The following HS6ST3 variants were observed in gnomAD, a reference collection of about 807,000 sequenced individuals.
HS6ST3 encodes heparan sulfate 6-O-sulfotransferase 3.
In HS6ST3, 12 loss-of-function variants were observed where a neutral mutation model predicts 36.7. The observed-to-expected ratio is 0.33, with a 90% confidence interval of 0.21 to 0.53. The LOEUF (loss-of-function observed/expected upper bound fraction) is 0.53. Ranked by LOEUF, HS6ST3 falls within the 20% of genes least tolerant of loss-of-function variation. The pLI is 0.95. For synonymous variants in HS6ST3, 240 were observed against 257.5 expected (o/e 0.93, Z 0.65); for missense variants, 584 against 640.9 (o/e 0.91, Z 0.96).
chr13:96,778,740 A>G (rs192099709), intron 1 of HS6ST3, among the ~76,000 whole-genome samples: 5 of 152,316 alleles, frequency 3.3e-5, no homozygotes, highest in African/African-American at 9.6e-5. Flanking sequence ...AATTAGTTCA[A>G]CCATTGTGGA....
In HS6ST3 at chr13:96,832,753, A is replaced by T; in HGVS notation, c.971A>T (p.Asn324Ile). Reference sequence around the variant, plus strand: ...GACCTCAGCCTGGTGGGCTGCTATAACTTGACTTTCATGAACGAGAGTGAA... The same window carrying T: ...GACCTCAGCCTGGTGGGCTGCTATATCTTGACTTTCATGAACGAGAGTGAA... The part of the protein sequence containing the change: ...LADLSLVGCY[N>I]LTFMNESERN... The change falls in exon 2 of 2, where the codon AAC (asparagine) becomes ATC (isoleucine). Residue 324 changes from asparagine (N) to isoleucine (I), a missense_variant. This residue lies in a region of HS6ST3 where 360 missense variants were observed against 411.3 expected (regional missense o/e 0.88). Transcript: ENST00000376705. 1 of 1,614,142 alleles carries T rather than the reference A, an allele frequency of 6.2e-7. No individual in the cohort carries two copies. The highest frequency in any genetic ancestry group is 8.5e-7 in the Non-Finnish European group (1 of 1,180,000).
In HS6ST3 at chr13:96,206,435, C is replaced by A. The variant is rs569829024; in HGVS notation, c.707+114866C>A. On this transcript the variant is annotated intron_variant, in intron 1 of 1. Coordinates refer to ENST00000376705, the MANE Select transcript of HS6ST3 (RefSeq NM_153456.4). Reference sequence around the variant, plus strand: ...TTCTCATTAAACTACCATTGACATTCTTCACAGAATTAGACAAAATGATTT... The same window carrying A: ...TTCTCATTAAACTACCATTGACATTATTCACAGAATTAGACAAAATGATTT... Among the ~76,000 whole-genome samples, 187 of 152,288 alleles carry A rather than the reference C, an allele frequency of 1.2e-3. 1 individual carries two copies. The highest frequency in any genetic ancestry group is 3.4e-3 in the Middle Eastern group (1 of 294).
At chr13:96,216,025 C>T (rs936620210) in intron 1 of HS6ST3, among the ~76,000 whole-genome samples, 5 of 152,140 alleles carry the variant, frequency 3.3e-5, no homozygotes, top group Non-Finnish European at 5.9e-5. Context: ...GCTCAAATCC[C>T]GTTTCTGCCA....
intron 1 of HS6ST3, among the ~76,000 whole-genome samples, chr13:96,825,109 A>G (rs1013946340): frequency 5.9e-5 from 9 of 152,198 alleles, no homozygotes; most frequent in African/African-American, 1.9e-4. Flanking sequence ...ATGAATGCAT[A>G]AAACTGTGGA....
intron 1 of HS6ST3, among the ~76,000 whole-genome samples, chr13:96,209,418 T>G (rs2054387623): frequency 1.3e-5 from 2 of 152,248 alleles, no homozygotes; most frequent in African/African-American, 4.8e-5. Context: ...TTTTTCTGGT[T>G]TCCTGTGAGA....
At chr13:96,649,442 A>G (rs2056600041) in intron 1 of HS6ST3, among the ~76,000 whole-genome samples, 1 of 152,070 alleles carries the variant, frequency 6.6e-6, no homozygotes, top group Admixed American at 6.6e-5. Context: ...GGGAACTACA[A>G]TTCAAGATGA....
In HS6ST3 at chr13:96,437,833, C is replaced by T. The variant is rs116571986; in HGVS notation, c.707+346264C>T. ...CACTTAAATTATTTTAGGGGAATTT[C>T]GTTTTCTCAGTAACCCAACTGGGGA... On this transcript the variant is annotated intron_variant, in intron 1 of 1. Coordinates refer to ENST00000376705, the MANE Select transcript of HS6ST3 (RefSeq NM_153456.4). Among the ~76,000 whole-genome samples the T allele has an allele frequency of 3.7e-3, 566 of 152,294 alleles. 3 individuals are homozygous for T. The highest frequency in any genetic ancestry group is 0.012 in the African/African-American group (518 of 41,568).
At chr13:96,233,771 C>T (rs996273656) in intron 1 of HS6ST3, among the ~76,000 whole-genome samples, 1 of 152,088 alleles carries the variant, frequency 6.6e-6, no homozygotes, top group African/African-American at 2.4e-5. Context: ...CTGATAATGA[C>T]TTGGTACCTG....
chr13:96,529,176 C>G (rs2056126113), intron 1 of HS6ST3, among the ~76,000 whole-genome samples: 1 of 152,044 alleles, frequency 6.6e-6, no homozygotes, highest in African/African-American at 2.4e-5. Flanking sequence ...TTGAGAACTG[C>G]TGATCTAGAG....
chr13:96,357,229 T>C (rs1186588912), intron 1 of HS6ST3, among the ~76,000 whole-genome samples: 1 of 152,258 alleles, frequency 6.6e-6, no homozygotes, highest in Non-Finnish European at 1.5e-5. Context: ...TTTTGTCAAT[T>C]GTGTGTCCAC....
intron 1 of HS6ST3, among the ~76,000 whole-genome samples, chr13:96,274,887 ACACACACT>A (rs1242408290): frequency 1.5e-5 from 2 of 135,252 alleles, no homozygotes; most frequent in African/African-American, 2.7e-5. Context: ...ACACACACAC[ACACACACT>A]GAAGAATTAG....
At chr13:96,380,882 G>A (rs184283637) in intron 1 of HS6ST3, among the ~76,000 whole-genome samples, 30 of 152,226 alleles carry the variant, frequency 2.0e-4, no homozygotes, top group South Asian at 1.0e-3. Flanking sequence ...ACTCAGAAAC[G>A]GATCATAGTT....
chr13:96,719,777 C>T (rs964733058), intron 1 of HS6ST3, among the ~76,000 whole-genome samples: 2 of 152,164 alleles, frequency 1.3e-5, no homozygotes, highest in Admixed American at 1.3e-4. Context: ...GTGAATCTCC[C>T]TTTTGCTAAA....
chr13:96,673,388 A>G (rs1025605675), intron 1 of HS6ST3, among the ~76,000 whole-genome samples: 1 of 152,202 alleles, frequency 6.6e-6, no homozygotes, highest in Non-Finnish European at 1.5e-5. Flanking sequence ...ATTCAGCCAT[A>G]TATAGGAAGT....
At chr13:96,572,196 G>A (rs1159736755) in intron 1 of HS6ST3, among the ~76,000 whole-genome samples, 1 of 152,114 alleles carries the variant, frequency 6.6e-6, no homozygotes, top group Non-Finnish European at 1.5e-5. Flanking sequence ...GAGATATGTT[G>A]GGACACAAAC....
At chr13:96,754,808 T>C (rs942201118) in intron 1 of HS6ST3, among the ~76,000 whole-genome samples, 7 of 152,172 alleles carry the variant, frequency 4.6e-5, no homozygotes, top group African/African-American at 1.7e-4. Context: ...TTCAATAAAG[T>C]AGTCTAAGTA....
intron 1 of HS6ST3, among the ~76,000 whole-genome samples, chr13:96,828,335 T>A (rs1003744399): frequency 6.6e-6 from 1 of 152,218 alleles, no homozygotes; most frequent in Non-Finnish European, 1.5e-5. Flanking sequence ...ATATTGCAGC[T>A]GATCAATTCC....
intron 1 of HS6ST3, among the ~76,000 whole-genome samples, chr13:96,316,201 T>C (rs2054968430): frequency 6.6e-6 from 1 of 152,144 alleles, no homozygotes; most frequent in South Asian, 2.1e-4. Context: ...TATATGCATA[T>C]GCATGTATAT....
intron 1 of HS6ST3, among the ~76,000 whole-genome samples, chr13:96,454,029 G>A (rs1447841945): frequency 6.6e-6 from 1 of 152,076 alleles, no homozygotes; most frequent in Non-Finnish European, 1.5e-5. Context: ...GACACAAAAG[G>A]GGAAGAATCT....
Sources: gnomAD v4.1 joint callset for allele counts (sites outside exome capture counted in the v4.1 genomes callset) on GRCh38, gnomAD v4.1.1 for gene constraint, gnomAD v4.1.1 regional missense constraint, MANE v1.5 for transcripts, NCBI Gene and HGNC (gene_info 2026-07-23, HGNC 2026-07-21) for gene names.